ZNF519: variants seen among roughly 807,000 people sequenced by gnomAD.
The protein encoded by ZNF519 is zinc finger protein 519, also known as similar to Zinc finger protein 85 (Zinc finger protein HPF4) (HTF1).
ZNF519 carries 7 observed loss-of-function variants against 7.4 expected under a neutral mutation model. The ratio of observed to expected loss-of-function variants is 0.94; its 90% CI spans 0.54 to 1.77. The LOEUF (loss-of-function observed/expected upper bound fraction) is 1.77. Ranked by LOEUF, ZNF519 falls within the 40% of genes most tolerant of loss-of-function variation. The pLI, the probability that ZNF519 is intolerant of heterozygous loss-of-function variation, is 0.00. For synonymous variants in ZNF519, 179 were observed against 203.3 expected (o/e 0.88, Z 1.02); for missense variants, 586 against 623.1 (o/e 0.94, Z 0.63).
At chr18:14,106,931 A>G (rs2046196181) in intron 2 of ZNF519, among the ~76,000 whole-genome samples, 1 of 152,030 alleles carries the variant, frequency 6.6e-6, no homozygotes, top group Non-Finnish European at 1.5e-5. Flanking sequence ...GAGAGGAATC[A>G]CCCTTCCCGG....
intron 2 of ZNF519, among the ~76,000 whole-genome samples, chr18:14,094,407 A>C (rs1202927374): frequency 6.6e-6 from 1 of 152,218 alleles, no homozygotes; most frequent in Non-Finnish European, 1.5e-5. Flanking sequence ...GTATAACATT[A>C]GCATTGAGTG....
At chr18:14,119,398 T>G (rs1159047831) in intron 2 of ZNF519, among the ~76,000 whole-genome samples, 2 of 152,222 alleles carry the variant, frequency 1.3e-5, no homozygotes, top group Non-Finnish European at 2.9e-5. Context: ...GTAGTTATAC[T>G]GTGCCACTAT....
intron 2 of ZNF519, 120 bp downstream of exon 2, chr18:14,124,230 C>A: frequency 1.2e-6 from 1 of 861,124 alleles, no homozygotes; most frequent in Non-Finnish European, 1.6e-6. Flanking sequence ...CCCATTTTTT[C>A]TTGAAGAAAA....
At chr18:14,127,622 G>T (rs1214886645) in intron 1 of ZNF519, among the ~76,000 whole-genome samples, 11 of 152,158 alleles carry the variant, frequency 7.2e-5, no homozygotes, top group African/African-American at 2.7e-4. Context: ...GGAGGGAGTT[G>T]AAGTTTTCAG....
chr18:14,121,352 A>T (rs1227189548), intron 2 of ZNF519, among the ~76,000 whole-genome samples: 2 of 141,164 alleles, frequency 1.4e-5, no homozygotes, highest in African/African-American at 2.5e-5. Context: ...TACTTACTAT[A>T]AAAAAAAAAG....
intron 2 of ZNF519, among the ~76,000 whole-genome samples, chr18:14,111,232 C>T (rs1222048882): frequency 6.9e-6 from 1 of 145,510 alleles, no homozygotes; most frequent in African/African-American, 2.5e-5. Flanking sequence ...CAGCCAGGCA[C>T]AGTGGCTCAT....
At chr18:14,118,153 G>C (rs2046254513) in intron 2 of ZNF519, among the ~76,000 whole-genome samples, 1 of 152,006 alleles carries the variant, frequency 6.6e-6, no homozygotes, top group South Asian at 2.1e-4. Flanking sequence ...CTGCCTCCTG[G>C]GTTCATACCA....
chr18:14,081,098 A>T (rs2143079800), intron 3 of ZNF519, among the ~76,000 whole-genome samples: 1 of 152,314 alleles, frequency 6.6e-6, no homozygotes, highest in Non-Finnish European at 1.5e-5. Flanking sequence ...ATGTCATTAT[A>T]TATTTGTCCA....
chr18:14,107,960 C>A (rs1010297829), intron 2 of ZNF519, among the ~76,000 whole-genome samples: 17 of 152,264 alleles, frequency 1.1e-4, no homozygotes, highest in African/African-American at 3.9e-4. Flanking sequence ...GCCCCTGGCT[C>A]CTGGATGGCA....
At chr18:14,114,307 C>T (rs900993651) in intron 2 of ZNF519, among the ~76,000 whole-genome samples, 3 of 152,052 alleles carry the variant, frequency 2.0e-5, no homozygotes, top group African/African-American at 7.2e-5. Flanking sequence ...TTTGATTTAA[C>T]TTTTTAATAC....
At chr18:14,081,820 A>T (rs1053796025) in intron 3 of ZNF519, among the ~76,000 whole-genome samples, 1 of 152,158 alleles carries the variant, frequency 6.6e-6, no homozygotes, top group Non-Finnish European at 1.5e-5. Flanking sequence ...ATAAATATTT[A>T]AATTAAAAGG....
chr18:14,077,834 G>T (rs186269656), intron 4 of ZNF519, among the ~76,000 whole-genome samples: 1 of 152,112 alleles, frequency 6.6e-6, no homozygotes, highest in African/African-American at 2.4e-5. Context: ...AAATTCCTGA[G>T]CCAAACTATT....
rs540056854 is a variant in ZNF519 at position 14,114,714 on chromosome 18, A to C, written c.131-8305T>G. On this transcript the variant is annotated intron_variant, in intron 2 of 2. Transcript: ENST00000590202. ...GTTAATGAGCACAAAAATAATTAGA[A>C]TAAGATTTAGTAGTTGCTAGTACAA... 2.2e-4 allele frequency among the ~76,000 whole-genome samples: 33 copies of C among 152,310 alleles called. No homozygotes were observed. The South Asian group carries it at 6.8e-3, about 32-fold the overall frequency.
downstream of ZNF519, chr18:14,071,561 A>C (rs1443832215): frequency 1.3e-5 from 2 of 152,236 alleles, no homozygotes; most frequent in African/African-American, 4.8e-5. Flanking sequence ...TATTACGATT[A>C]TAAAGTGTTC....
In ZNF519 at chr18:14,102,754, T is replaced by C. The variant is rs1313759956; in HGVS notation, c.*2163A>G. ...ACCAATTTTGTTAAGTTTAGCTTTT[T>C]TAATAAAACAATAAAACTAAATTAA... On this transcript the variant is annotated 3_prime_UTR_variant, in exon 3 of 3. Coordinates refer to ENST00000590202, the MANE Select transcript of ZNF519 (RefSeq NM_145287.4). The C allele has an allele frequency of 6.6e-6, 1 of 152,260 alleles. No individual in the cohort carries two copies. Among genetic ancestry groups the C allele is most frequent in the East Asian group, 1.9e-4 (1 of 5,190 alleles). The allele number at this position is 152,260 out of a possible 1,614,324, so 9.4% of individuals were successfully genotyped here. A position where few individuals can be genotyped will look rare whatever the true frequency, so the allele number is the denominator to read the frequency against.
intron 1 of ZNF519, among the ~76,000 whole-genome samples, chr18:14,130,654 T>C (rs994521779): frequency 6.6e-6 from 1 of 151,976 alleles, no homozygotes; most frequent in Non-Finnish European, 1.5e-5. Flanking sequence ...TGTGCCCCAC[T>C]GTGCTTTTTG....
intron 2 of ZNF519, among the ~76,000 whole-genome samples, chr18:14,113,613 T>G (rs1043807130): frequency 6.6e-6 from 1 of 152,110 alleles, no homozygotes; most frequent in Non-Finnish European, 1.5e-5. Flanking sequence ...AAAATGGAGG[T>G]GCAAATCTCT....
At chr18:14,112,783 AAAAAG>A (rs2046227945) in intron 2 of ZNF519, among the ~76,000 whole-genome samples, 2 of 152,196 alleles carry the variant, frequency 1.3e-5, no homozygotes, top group South Asian at 2.1e-4. Context: ...TAAAAAGACA[AAAAAG>A]AAAATATATT....
rs2143121626 is a variant in ZNF519 at position 14,103,949 on chromosome 18, C to T, written c.*968G>A. The T allele has an allele frequency of 6.6e-6, 1 of 152,246 alleles. No homozygotes were observed. Among genetic ancestry groups the T allele is most frequent in the East Asian group, 1.9e-4 (1 of 5,188 alleles). 9.4% of individuals were successfully genotyped at this position (152,246 alleles called of 1,614,324 possible). A position where few individuals can be genotyped will look rare whatever the true frequency, so the allele number is the denominator to read the frequency against. ...AAAGCATTTCAAAATCCAGTTTCCT[C>T]AATCATCAAAATTACAGACTGCAAA... On this transcript the variant is annotated 3_prime_UTR_variant, in exon 3 of 3. Coordinates refer to ENST00000590202, the MANE Select transcript of ZNF519 (RefSeq NM_145287.4).
Sources: allele counts gnomAD v4.1 joint callset (sites outside exome capture counted in the v4.1 genomes callset), GRCh38; gene constraint gnomAD v4.1.1; transcripts MANE v1.5; gene names NCBI Gene and HGNC (gene_info 2026-07-23, HGNC 2026-07-21).